Variants in HEATR1 observed in about 807,000 individuals in gnomAD.
The protein encoded by HEATR1 is HEAT repeat-containing protein 1.
In HEATR1, 77 loss-of-function variants were observed where a neutral mutation model predicts 248.2. The ratio of observed to expected loss-of-function variants is 0.31; its 90% CI spans 0.26 to 0.37. HEATR1 has a LOEUF of 0.37. HEATR1 is among the 10% of genes least tolerant of loss of function. HEATR1 has a pLI of 1.00. For synonymous variants in HEATR1, 897 were observed against 923.1 expected, an observed-to-expected ratio of 0.97 and a Z score of 0.51; for missense variants, 2,420 against 2,504.9, an observed-to-expected ratio of 0.97 and a Z score of 0.72.
In HEATR1 at chr1:236,590,914, T is replaced by C; in HGVS notation, c.1463A>G (p.Asn488Ser). Reference sequence around the variant, plus strand: ...AATTCTCACAGGAGCAAGTGGATGATTCAGGCTGAGCATCAAAGAAGTATC... The same window carrying C: ...AATTCTCACAGGAGCAAGTGGATGACTCAGGCTGAGCATCAAAGAAGTATC... ...DSDTSLMLSL[N>S]HPLAPVRILA... is the part of the protein sequence containing the mutation. Residue 488 changes from asparagine (N) to serine (S), a missense_variant, in exon 12 of 45, where the codon AAT becomes AGT. Coordinates refer to ENST00000366582, the MANE Select transcript of HEATR1 (RefSeq NM_018072.6). 6.6e-7 allele frequency: 1 copy of C among 1,520,178 alleles called. No individual in the cohort carries two copies. Among genetic ancestry groups the C allele is most frequent in the Non-Finnish European group, 8.9e-7 (1 of 1,125,604 alleles). The allele number at this position is 1,520,178 out of a possible 1,614,324, so 94.2% of individuals were successfully genotyped here. A position where few individuals can be genotyped will look rare whatever the true frequency, so the allele number is the denominator to read the frequency against.
rs1439477412 is a variant in HEATR1, at chr1:236,585,940, A to G, written c.1929T>C (p.Ala643=). Residue 643 remains alanine, a splice_region_variant and synonymous_variant, in exon 16 of 45, where the codon GCT becomes GCC. Transcript: ENST00000366582. ...LHPLLRGWEE[A]LENVIKSTKP... ...TTGTGCTTTTAATTACATTTTCAAGAGCTGTAAAGTAAAATCGAATGCAGA... is the reference window on the plus strand; with the variant it reads ...TTGTGCTTTTAATTACATTTTCAAGGGCTGTAAAGTAAAATCGAATGCAGA... 9 of 1,613,156 alleles carry G rather than the reference A, an allele frequency of 5.6e-6. No homozygotes were observed. Among genetic ancestry groups the G allele is most frequent in the African/African-American group, 1.3e-5 (1 of 74,884 alleles).
chr1:236,604,305 G>A (rs2102804906), intron 1 of HEATR1, 117 bp downstream of exon 1: 1 of 466,578 alleles, frequency 2.1e-6, no homozygotes, highest in South Asian at 4.6e-5. Context: ...TACAGTAGCG[G>A]CGACCGCGCC....
Position 236,581,168 on chromosome 1 carries a change from G to C in HEATR1, c.2755+54C>G. On this transcript the variant is annotated intron_variant, in intron 20 of 44. Coordinates refer to ENST00000366582, the MANE Select transcript of HEATR1 (RefSeq NM_018072.6). ...TTTTCCAAACTACATAAACCATATA[G>C]AGAAAGCATGAACAGTTGGTCATGA... 6 of 1,429,252 alleles carry C rather than the reference G, an allele frequency of 4.2e-6. No homozygotes were observed. The South Asian group carries it at 4.7e-5, about 11-fold the overall frequency. 88.5% of individuals were successfully genotyped at this position (1,429,252 alleles called of 1,614,324 possible). A position where few individuals can be genotyped will look rare whatever the true frequency, so the allele number is the denominator to read the frequency against.
At chr1:236,602,552 C>T (rs1174335567) in intron 3 of HEATR1, among the ~76,000 whole-genome samples, 1 of 152,136 alleles carries the variant, frequency 6.6e-6, no homozygotes, top group Admixed American at 6.5e-5. Context: ...GTTATTTTGC[C>T]AAGAAAGCAG....
intron 28 of HEATR1, 127 bp downstream of exon 28, chr1:236,571,224 A>T: frequency 4.4e-6 from 5 of 1,134,568 alleles, no homozygotes; most frequent in Non-Finnish European, 1.2e-6. Flanking sequence ...CAGGGCTGAG[A>T]GTCTCACCAG....
At chr1:236,583,262 C>G in intron 17 of HEATR1, 66 bp from the exon 18 acceptor site, 1 of 1,365,260 alleles carries the variant, frequency 7.3e-7, no homozygotes, top group Non-Finnish European at 1.0e-6. Context: ...TATATGAATT[C>G]CTCTGCATAA....
chr1:236,569,001 T>C lies in HEATR1; in HGVS notation c.4072A>G (p.Ile1358Val). ...ATGGTATAAAGAGACCTTACCTGAA[T>C]AAGTGCGGGAATAACCATTTTCACT... is the stretch of plus-strand genomic sequence containing the variant. ...KTVKMVIPAL[I>V]QSDSGDSIEV... Residue 1358 changes from isoleucine (I) to valine (V), a missense_variant, in exon 29 of 45, where the codon ATT (isoleucine) becomes GTT (valine). Coordinates refer to ENST00000366582, the MANE Select transcript of HEATR1 (RefSeq NM_018072.6). 6.3e-7 allele frequency: 1 copy of C among 1,578,442 alleles called. No homozygotes were observed. The highest frequency in any genetic ancestry group is 8.6e-7 in the Non-Finnish European group (1 of 1,166,360).
intron 9 of HEATR1, among the ~76,000 whole-genome samples, chr1:236,593,137 T>C (rs1335192140): frequency 6.6e-6 from 1 of 151,438 alleles, no homozygotes; most frequent in Non-Finnish European, 1.5e-5. Flanking sequence ...GAGGTTGCAG[T>C]GAGCCGAGAT....
At chr1:236,569,186 C>A in intron 28 of HEATR1, 62 bp from the exon 29 acceptor site, 1 of 1,337,390 alleles carries the variant, frequency 7.5e-7, no homozygotes, top group Non-Finnish European at 1.0e-6. Flanking sequence ...ATTTTTTTTT[C>A]AAGAGATAGC....
Position 236,571,661 on chromosome 1 carries a change from G to A in HEATR1, c.3733C>T (p.Gln1245Ter), listed in dbSNP as rs1663430873. The A allele has an allele frequency of 6.2e-7, 1 of 1,613,350 alleles. No homozygotes were observed. The change falls in exon 27 of 45, where the codon CAG becomes TAG. Residue 1245 changes from glutamine to a stop codon, truncating the protein, a stop_gained. Transcript: ENST00000366582. LOFTEE classifies it high-confidence loss of function. ...SRCLEPLPQEQGNMEYTKQLI... is the reference protein window; with the variant it reads ...SRCLEPLPQE The stretch of plus-strand genomic sequence containing the variant: ...TGTTTGGTGTATTCCATATTTCCCT[G>A]CTCTTGTGGCAAGGGTTCTAAACAT...
intron 19 of HEATR1, among the ~76,000 whole-genome samples, chr1:236,582,462 G>A (rs925398037): frequency 7.3e-5 from 11 of 151,210 alleles, no homozygotes; most frequent in African/African-American, 2.7e-4. Context: ...GAGTACGGTG[G>A]TGTGATCTCG....
At position 236,571,365 on chromosome 1, in the gene HEATR1, C is replaced by T. The variant is rs755373172; in HGVS notation, c.3934G>A (p.Ala1312Thr). 1.3e-6 allele frequency: 2 copies of T among 1,595,218 alleles called. No individual in the cohort carries two copies. The highest frequency in any genetic ancestry group is 1.7e-6 in the Non-Finnish European group (2 of 1,175,444). ...TTAACGCTTACCGGAAATATTCCAG[C>T]AACAGTGCCCAAAAGTAAAAGGGCA... ...HHALLLLGTV[A>T]GIFPDKVLHN... The change falls in exon 28 of 45, where the codon GCT (alanine) becomes ACT (threonine). Residue 1312 changes from alanine (A) to threonine (T), a missense_variant. Ala to Thr is a moderately conservative substitution (Grantham distance 58). Transcript: ENST00000366582.
rs562114281 is a variant in HEATR1, at chr1:236,597,542, C to T, written c.603+336G>A. Among the ~76,000 whole-genome samples the T allele has an allele frequency of 1.6e-4, 25 of 152,210 alleles. No homozygotes were observed. The South Asian group carries it at 4.8e-3, about 29-fold the overall frequency. On this transcript the variant is annotated intron_variant, in intron 5 of 44. Transcript: ENST00000366582. ...TGTTGGGATTACAGGCGTGAGCCAC[C>T]GCACCTGGCCTTAAAATTTTTTAAA... is the stretch of plus-strand genomic sequence containing the variant.
At chr1:236,555,191 A>T in intron 41 of HEATR1, 105 bp downstream of exon 41, 1 of 1,194,426 alleles carries the variant, frequency 8.4e-7, no homozygotes, top group Non-Finnish European at 1.2e-6. Flanking sequence ...CTTAGGACTT[A>T]AGAACCTCTA....
Position 236,554,653 on chromosome 1 carries a change from T to C in HEATR1, c.6023A>G (p.Gln2008Arg), listed in dbSNP as rs759536976. The C allele has an allele frequency of 5.0e-6, 8 of 1,613,538 alleles. No homozygotes were observed. The highest frequency in any genetic ancestry group is 6.8e-6 in the Non-Finnish European group (8 of 1,179,806). ...CLYKIFLFDT[Q>R]HFISKERAEA... is the part of the protein sequence containing the mutation. ...TGCTCTCTCTTTACTTATAAAATGC[T>C]GGGTATCAAAAAGGAAGATTTTGTA... Residue 2008 changes from glutamine (Q) to arginine (R), a missense_variant, in exon 42 of 45, where the codon CAG (glutamine) becomes CGG (arginine). By Grantham distance (43) the Gln-to-Arg change is conservative. Transcript: ENST00000366582.
Position 236,587,933 on chromosome 1 carries a change from G to T in HEATR1, c.1626+15C>A. On this transcript the variant is annotated intron_variant, in intron 13 of 44. Coordinates refer to ENST00000366582, the MANE Select transcript of HEATR1 (RefSeq NM_018072.6). ...TACAAAATTGTATACCTCAACAAAT[G>T]ACAAATTCACTCACCTCAAAAGCAC... The T allele has an allele frequency of 6.4e-7, 1 of 1,572,424 alleles. No homozygotes were observed. Among genetic ancestry groups the T allele is most frequent in the Non-Finnish European group, 8.7e-7 (1 of 1,146,668 alleles).
At chr1:236,586,572 A>G in intron 14 of HEATR1, 120 bp from the exon 15 acceptor site, 1 of 645,198 alleles carries the variant, frequency 1.5e-6, no homozygotes, top group South Asian at 2.0e-5. Context: ...GACCAAAACT[A>G]TTATTCAGAT....
intron 16 of HEATR1, 26 bp from the exon 17 acceptor site, chr1:236,585,242 C>G (rs1383196980): frequency 6.4e-7 from 1 of 1,563,682 alleles, no homozygotes; most frequent in African/African-American, 1.4e-5. Flanking sequence ...CACTCTATTA[C>G]CAGTTGCTCT....
In HEATR1 at chr1:236,574,781, T is replaced by C. The variant is rs1433771874; in HGVS notation, c.3207A>G (p.Glu1069=). Residue 1069 remains glutamate (E), a synonymous_variant, in exon 23 of 45, where the codon GAA becomes GAG. Coordinates refer to ENST00000366582, the MANE Select transcript of HEATR1 (RefSeq NM_018072.6). ...VLHLTLGKYN[E]FSVSLLNEDP... is the part of the protein sequence containing the mutation. ...CCTCATTTAAAAGGGAAACTGAAAA[T>C]TCATTATACTTTCCCAGAGTGAGAT... 6.2e-7 allele frequency: 1 copy of C among 1,613,838 alleles called. No homozygotes were observed. Among genetic ancestry groups the C allele is most frequent in the Non-Finnish European group, 8.5e-7 (1 of 1,179,894 alleles).
Sources: gnomAD v4.1 joint callset for allele counts (sites outside exome capture counted in the v4.1 genomes callset) on GRCh38, gnomAD v4.1.1 for gene constraint, MANE v1.5 for transcripts, NCBI Gene and HGNC (gene_info 2026-07-23, HGNC 2026-07-21) for gene names.